BRWD3: variants seen among roughly 807,000 people sequenced by gnomAD.
BRWD3 encodes the protein bromodomain and WD repeat domain containing 3.
In BRWD3, 10 loss-of-function variants were observed where a neutral mutation model predicts 149.7. That is an observed-to-expected ratio of 0.07 (90% CI 0.04 to 0.11). BRWD3 has a LOEUF of 0.11. BRWD3 is among the 10% of genes least tolerant of loss of function. The pLI is 1.00. For missense variants in BRWD3, 940 were observed against 1,373.2 expected, an observed-to-expected ratio of 0.68 and a Z score of 4.99; for synonymous variants, 504 against 456.7, an observed-to-expected ratio of 1.10 and a Z score of -1.32.
chrX:80,679,732 T>C (rs866552777), intron 40 of BRWD3, among the ~76,000 whole-genome samples: 1 of 102,876 alleles, frequency 9.7e-6, no homozygotes, highest in Non-Finnish European at 2.1e-5. Flanking sequence ...ATATAGAGAT[T>C]GAAACTAAAA....
intron 6 of BRWD3, among the ~76,000 whole-genome samples, chrX:80,755,079 T>G (rs1308558085): frequency 1.8e-5 from 2 of 112,002 alleles, no homozygotes; most frequent in Non-Finnish European, 3.8e-5. Context: ...GATTATGGTT[T>G]CTTCCTTGAT....
chrX:80,720,472 G>A (rs908513687), intron 17 of BRWD3, among the ~76,000 whole-genome samples: 7 of 110,993 alleles, frequency 6.3e-5, no homozygotes, highest in African/African-American at 2.3e-4. Flanking sequence ...ATAGCATAAG[G>A]ATATAAAAAT....
At chrX:80,784,918 G>C (rs2074093601) in intron 6 of BRWD3, among the ~76,000 whole-genome samples, 1 of 111,431 alleles carries the variant, frequency 9.0e-6, no homozygotes, top group African/African-American at 3.3e-5. Flanking sequence ...GGGATTGCTG[G>C]GTCAAATGGT....
chrX:80,741,470 A>C (rs62605604), intron 8 of BRWD3, among the ~76,000 whole-genome samples: 41,542 of 110,544 alleles, frequency 0.38, 6,784 homozygotes, highest in African/African-American at 0.64. Flanking sequence ...TTCCAAATGC[A>C]TGAGGAATGG....
intron 33 of BRWD3, 105 bp from the exon 34 acceptor site, chrX:80,688,230 T>G: frequency 2.4e-5 from 15 of 622,815 alleles, no homozygotes; most frequent in Non-Finnish European, 3.5e-5. Context: ...ACAGTTAACT[T>G]TCCCCACTGG....
At chrX:80,775,834 T>C (rs1486944401) in intron 6 of BRWD3, among the ~76,000 whole-genome samples, 3 of 112,207 alleles carry the variant, frequency 2.7e-5, no homozygotes, top group Non-Finnish European at 1.9e-5. Flanking sequence ...ATACCATAAT[T>C]ACAAATTATA....
intron 8 of BRWD3, among the ~76,000 whole-genome samples, chrX:80,743,487 G>C (rs1227701315): frequency 9.0e-6 from 1 of 111,518 alleles, no homozygotes; most frequent in African/African-American, 3.3e-5. Context: ...GCTCCTCCTT[G>C]CACCTCTGGT....
chrX:80,717,042 A>C (rs1439052841), intron 19 of BRWD3: 4 of 114,168 alleles, frequency 3.5e-5, no homozygotes, highest in Non-Finnish European at 7.3e-5. Context: ...TCTTTTCTAA[A>C]TCTATTTCCA....
chrX:80,761,288 GAAAT>G (rs1476215159), intron 6 of BRWD3, among the ~76,000 whole-genome samples: 1 of 111,745 alleles, frequency 8.9e-6, no homozygotes, highest in Admixed American at 9.5e-5. Flanking sequence ...TCAGTAATAA[GAAAT>G]AAAAGGATCA....
chrX:80,785,099 T>C (rs932073529), intron 6 of BRWD3, among the ~76,000 whole-genome samples: 4 of 112,451 alleles, frequency 3.6e-5, no homozygotes, highest in African/African-American at 1.3e-4. Context: ...CTAAAATGAA[T>C]ATTAATCTTT....
chrX:80,721,868 C>A (rs2147752889), intron 17 of BRWD3, among the ~76,000 whole-genome samples: 1 of 111,571 alleles, frequency 9.0e-6, no homozygotes, highest in African/African-American at 3.3e-5. Context: ...TTTATTGAGA[C>A]AAGAGTCTCA....
chrX:80,698,490 C>T (rs1333209331), intron 25 of BRWD3, among the ~76,000 whole-genome samples: 2 of 110,813 alleles, frequency 1.8e-5, no homozygotes, highest in Non-Finnish European at 3.8e-5. Flanking sequence ...GGGTGGATCA[C>T]CTGAGGTCAG....
rs777873861 is a variant in BRWD3 at position 80,722,775 on chromosome X, T to C, written c.1663A>G (p.Met555Val). The change falls in exon 17 of 41, where the codon ATG becomes GTG. Residue 555 changes from methionine to valine, a missense_variant. Physicochemically the swap from Met to Val is conservative, Grantham distance 21. Around this residue, in one of 6 missense-constraint regions of BRWD3, gnomAD observed 209 missense variants for 396.8 expected, o/e 0.53. Transcript: ENST00000373275. ...SKYYEKIPDQ[M>V]FFHTDYRPLI... Reference sequence around the variant, plus strand: ...GGACGATAATCCGTGTGGAAGAACATCTGATCTGGAATCTTTATGACAGAT... The same window carrying C: ...GGACGATAATCCGTGTGGAAGAACACCTGATCTGGAATCTTTATGACAGAT... 3 of 1,205,753 alleles carry C rather than the reference T, an allele frequency of 2.5e-6. No individual in the cohort carries two copies. Among genetic ancestry groups the C allele is most frequent in the Non-Finnish European group, 3.4e-6 (3 of 890,045 alleles).
At chrX:80,752,409 T>C (rs1340523987) in intron 6 of BRWD3, among the ~76,000 whole-genome samples, 1 of 111,513 alleles carries the variant, frequency 9.0e-6, no homozygotes, top group African/African-American at 3.3e-5. Flanking sequence ...TCCTCTGGGG[T>C]ATATACCCAG....
At chrX:80,804,015 T>A (rs1221531326) in intron 4 of BRWD3, among the ~76,000 whole-genome samples, 2 of 112,434 alleles carry the variant, frequency 1.8e-5, no homozygotes, top group Non-Finnish European at 3.8e-5. Context: ...CAACATATAA[T>A]CATAGATGTA....
chrX:80,712,133 T>C (rs1187228590), intron 20 of BRWD3, among the ~76,000 whole-genome samples: 2 of 109,931 alleles, frequency 1.8e-5, no homozygotes, highest in Non-Finnish European at 3.8e-5. Context: ...CAGGAGAGAG[T>C]TGTTTAAAAT....
chrX:80,706,439 G>GT (rs767443934), intron 22 of BRWD3, among the ~76,000 whole-genome samples: 1 of 111,091 alleles, frequency 9.0e-6, no homozygotes, highest in Non-Finnish European at 1.9e-5. Context: ...ACTCTATAAG[G>GT]TTTTTTCTAT....
At position 80,696,761 on chromosome X, in the gene BRWD3, T is replaced by G; in HGVS notation, c.3046A>C (p.Thr1016Pro). ...AFLDPISGKM[T>P]GESFSIKYHD... ...CACTTAATGGAAAAAGATTCTCCAGTCATTTTGCCTGAAATTGGGTCCAGA... is the reference window on the plus strand; with the variant it reads ...CACTTAATGGAAAAAGATTCTCCAGGCATTTTGCCTGAAATTGGGTCCAGA... Residue 1016 changes from threonine to proline, a missense_variant, in exon 26 of 41, where the codon ACT (threonine) becomes CCT (proline). Physicochemically the swap from Thr to Pro is conservative, Grantham distance 38 (BLOSUM62 -1). This residue lies in a region of BRWD3 where 158 missense variants were observed against 284.0 expected (regional missense o/e 0.56). Transcript: ENST00000373275. 8.3e-7 allele frequency: 1 copy of G among 1,210,759 alleles called. No homozygotes were observed. Among genetic ancestry groups the G allele is most frequent in the South Asian group, 1.8e-5 (1 of 56,949 alleles).
intron 6 of BRWD3, among the ~76,000 whole-genome samples, chrX:80,789,177 T>C (rs746598090): frequency 8.9e-6 from 1 of 111,815 alleles, no homozygotes; most frequent in African/African-American, 3.3e-5. Context: ...TGACCATGAA[T>C]ATGACAGATA....
Sources: allele counts gnomAD v4.1 joint callset (sites outside exome capture counted in the v4.1 genomes callset), GRCh38; gene constraint gnomAD v4.1.1; regional missense constraint gnomAD v4.1.1; transcripts MANE v1.5; gene names NCBI Gene and HGNC (gene_info 2026-07-23, HGNC 2026-07-21).